The following SERPINI1 variants were observed in gnomAD, a reference collection of about 807,000 sequenced individuals.
The protein encoded by SERPINI1 is neuroserpin.
SERPINI1 carries 19 observed loss-of-function variants against 41.1 expected under a neutral mutation model. The observed-to-expected ratio is 0.46, with a 90% CI of 0.32 to 0.68. The LOEUF is 0.68. Among genes scored for constraint, SERPINI1 ranks in the 30% least tolerant of loss-of-function variants. The pLI is 0.03. For missense variants in SERPINI1, 460 were observed against 479.2 expected (o/e 0.96, Z 0.37); for synonymous variants, 138 against 156.6 (o/e 0.88, Z 0.89).
chr3:167,746,581 G>A (rs1173940583), intron 1 of SERPINI1, among the ~76,000 whole-genome samples: 1 of 152,150 alleles, frequency 6.6e-6, no homozygotes, highest in African/African-American at 2.4e-5. Flanking sequence ...GCAATTAAAA[G>A]TAGGCAAAGG....
intron 1 of SERPINI1, among the ~76,000 whole-genome samples, chr3:167,770,359 C>A (rs1470071359): frequency 6.6e-6 from 1 of 151,970 alleles, no homozygotes; most frequent in African/African-American, 2.4e-5. Context: ...GTTCTCCCAA[C>A]ACAAGTTATT....
chr3:167,756,900 A>T (rs1400164217), intron 1 of SERPINI1, among the ~76,000 whole-genome samples: 1 of 152,198 alleles, frequency 6.6e-6, no homozygotes, highest in East Asian at 1.9e-4. Context: ...ACTCTTCGTT[A>T]TGTCACAAGT....
At chr3:167,757,495 A>G (rs575130591) in intron 1 of SERPINI1, among the ~76,000 whole-genome samples, 2 of 149,730 alleles carry the variant, frequency 1.3e-5, no homozygotes, top group African/African-American at 4.9e-5. Flanking sequence ...TCAATTAGTG[A>G]GATCTCTCTC....
intron 1 of SERPINI1, among the ~76,000 whole-genome samples, chr3:167,759,836 C>T (rs566057668): frequency 6.6e-6 from 1 of 152,238 alleles, no homozygotes; most frequent in South Asian, 2.1e-4. Context: ...CCATAAATAA[C>T]ACAGATTAGT....
chr3:167,801,252 G>A (rs2108563665), intron 5 of SERPINI1, among the ~76,000 whole-genome samples: 1 of 152,258 alleles, frequency 6.6e-6, no homozygotes, highest in Middle Eastern at 3.4e-3. Context: ...TGTTCTGCAG[G>A]TCTTCAAACC....
chr3:167,773,224 C>T (rs966234059), intron 1 of SERPINI1, among the ~76,000 whole-genome samples: 2 of 151,948 alleles, frequency 1.3e-5, no homozygotes, highest in African/African-American at 4.8e-5. Flanking sequence ...CCCCATTCTA[C>T]CTGTCCAATG....
At chr3:167,805,599 T>C (rs1372700699) in intron 5 of SERPINI1, among the ~76,000 whole-genome samples, 5 of 152,140 alleles carry the variant, frequency 3.3e-5, no homozygotes, top group African/African-American at 1.2e-4. Context: ...ATGTTTTAGA[T>C]ATGAAGTCTT....
intron 1 of SERPINI1, among the ~76,000 whole-genome samples, chr3:167,776,354 C>G (rs11925719): frequency 0.13 from 19,479 of 152,204 alleles, 1,518 homozygotes; most frequent in African/African-American, 0.21. Context: ...TATGGAAAGC[C>G]CAAATCTTAT....
At chr3:167,797,377 T>A (rs1248956226) in intron 5 of SERPINI1, among the ~76,000 whole-genome samples, 2 of 152,196 alleles carry the variant, frequency 1.3e-5, no homozygotes, top group Non-Finnish European at 2.9e-5. Flanking sequence ...GTTTTGCTTT[T>A]GTTGCAATCG....
chr3:167,821,570 C>T (rs1230698980), intron 6 of SERPINI1, among the ~76,000 whole-genome samples: 2 of 152,086 alleles, frequency 1.3e-5, no homozygotes, highest in Non-Finnish European at 2.9e-5. Flanking sequence ...TGCCTCTCAC[C>T]ACTCCACACC....
chr3:167,800,768 T>C (rs1240632980), intron 5 of SERPINI1, among the ~76,000 whole-genome samples: 1 of 152,042 alleles, frequency 6.6e-6, no homozygotes, highest in Non-Finnish European at 1.5e-5. Flanking sequence ...GAAAACTACA[T>C]AAGTCGTCTG....
intron 6 of SERPINI1, among the ~76,000 whole-genome samples, chr3:167,817,889 G>A (rs920822266): frequency 1.3e-4 from 19 of 145,170 alleles, no homozygotes; most frequent in East Asian, 7.8e-4. Context: ...GTGAGCCACC[G>A]CGCCCGGCCA....
At chr3:167,736,287 G>A (rs1299099260) in intron 1 of SERPINI1, among the ~76,000 whole-genome samples, 2 of 152,138 alleles carry the variant, frequency 1.3e-5, no homozygotes, top group East Asian at 1.9e-4. Context: ...TATCCAGGGT[G>A]GTTATTTTGC....
intron 5 of SERPINI1, among the ~76,000 whole-genome samples, chr3:167,802,572 A>G (rs1164480252): frequency 6.6e-6 from 1 of 151,874 alleles, no homozygotes; most frequent in Non-Finnish European, 1.5e-5. Flanking sequence ...CAAAACCACA[A>G]TGAGATGCCA....
At chr3:167,810,280 C>T (rs917550369) in intron 6 of SERPINI1, among the ~76,000 whole-genome samples, 1 of 151,976 alleles carries the variant, frequency 6.6e-6, no homozygotes, top group Non-Finnish European at 1.5e-5. Flanking sequence ...CTTCATAACC[C>T]CCATAAATAC....
chr3:167,736,945 A>G (rs1725476526), intron 1 of SERPINI1, among the ~76,000 whole-genome samples: 1 of 151,708 alleles, frequency 6.6e-6, no homozygotes, highest in African/African-American at 2.4e-5. Context: ...ATTGCAGCAA[A>G]TTTTGCTCTG....
chr3:167,775,171 T>C (rs1218562403), intron 1 of SERPINI1, among the ~76,000 whole-genome samples: 1 of 150,900 alleles, frequency 6.6e-6, no homozygotes. Context: ...TCTAGTAACT[T>C]CTCTGAAAAT....
At chr3:167,801,938 T>A (rs981930367) in intron 5 of SERPINI1, among the ~76,000 whole-genome samples, 1 of 152,058 alleles carries the variant, frequency 6.6e-6, no homozygotes, top group African/African-American at 2.4e-5. Context: ...ATTGCAAATA[T>A]TGGAACAGAA....
chr3:167,769,692 A>G (rs1253040103), intron 1 of SERPINI1, among the ~76,000 whole-genome samples: 1 of 152,152 alleles, frequency 6.6e-6, no homozygotes. Flanking sequence ...TCTAATATTA[A>G]GAGTGTGACC....
Sources: gnomAD v4.1 joint callset for allele counts (sites outside exome capture counted in the v4.1 genomes callset) on GRCh38, gnomAD v4.1.1 for gene constraint, MANE v1.5 for transcripts, NCBI Gene and HGNC (gene_info 2026-07-23, HGNC 2026-07-21) for gene names.